NCOA3: variants seen among roughly 807,000 people sequenced by gnomAD.
The protein encoded by NCOA3 is CBP-interacting protein.
NCOA3 carries 51 observed loss-of-function variants against 158.8 expected under a neutral mutation model. The observed-to-expected ratio is 0.32, with a 90% CI of 0.26 to 0.41. The LOEUF is 0.41. Among genes scored for constraint, NCOA3 ranks in the 10% least tolerant of loss-of-function variants. The pLI is 1.00. For synonymous variants in NCOA3, 537 were observed against 592.4 expected (o/e 0.91, Z 1.36); for missense variants, 1,510 against 1,746.6 (o/e 0.86, Z 2.41).
intron 1 of NCOA3, among the ~76,000 whole-genome samples, chr20:47,571,231 C>T (rs1227498299): frequency 6.6e-6 from 1 of 151,782 alleles, no homozygotes; most frequent in Non-Finnish European, 1.5e-5. Context: ...TCTAGAACTC[C>T]TGACCTCAGG....
At chr20:47,522,860 A>AGG (rs1568651920) in intron 1 of NCOA3, among the ~76,000 whole-genome samples, 1 of 150,560 alleles carries the variant, frequency 6.6e-6, no homozygotes, top group Non-Finnish European at 1.5e-5. Flanking sequence ...CTAAGAGCTG[A>AGG]GGCTTTACGA....
intron 1 of NCOA3, among the ~76,000 whole-genome samples, chr20:47,540,549 G>A (rs1265352461): frequency 6.8e-6 from 1 of 146,548 alleles, no homozygotes; most frequent in Non-Finnish European, 1.5e-5. Flanking sequence ...TGCAGCCTGG[G>A]CAACAAGAGT....
At chr20:47,589,245 A>G (rs957578029) in intron 2 of NCOA3, among the ~76,000 whole-genome samples, 2 of 152,122 alleles carry the variant, frequency 1.3e-5, no homozygotes, top group South Asian at 2.1e-4. Flanking sequence ...TTCCAGGGCT[A>G]TTTGTAGAAA....
intron 17 of NCOA3, 47 bp downstream of exon 17, chr20:47,642,431 TGC>T (rs778747033): frequency 1.4e-6 from 2 of 1,409,114 alleles, no homozygotes; most frequent in Non-Finnish European, 1.9e-6. Context: ...TTTGTGTGTG[TGC>T]GCGCGTACAC....
At chr20:47,614,743 G>T (rs1462268689) in intron 2 of NCOA3, among the ~76,000 whole-genome samples, 3 of 152,120 alleles carry the variant, frequency 2.0e-5, no homozygotes, top group Non-Finnish European at 4.4e-5. Flanking sequence ...GGAAGTAAGG[G>T]TTATGGGTAA....
chr20:47,553,206 A>G (rs529074451), intron 1 of NCOA3, among the ~76,000 whole-genome samples: 99 of 152,186 alleles, frequency 6.5e-4, no homozygotes, highest in African/African-American at 2.4e-3. Flanking sequence ...AAGTGTTAGG[A>G]TTACAGGCGT....
chr20:47,524,972 TTCTCG>T (rs1289565806), intron 1 of NCOA3, among the ~76,000 whole-genome samples: 1 of 151,568 alleles, frequency 6.6e-6, no homozygotes, highest in East Asian at 1.9e-4. Flanking sequence ...TCTTGGGTGT[TTCTCG>T]CAGAGGGGGA....
At chr20:47,532,162 T>C (rs1018429853) in intron 1 of NCOA3, among the ~76,000 whole-genome samples, 3 of 143,552 alleles carry the variant, frequency 2.1e-5, no homozygotes, top group African/African-American at 5.4e-5. Context: ...GTTTTAGATA[T>C]CATGGTAAGT....
intron 1 of NCOA3, among the ~76,000 whole-genome samples, chr20:47,546,390 A>G (rs996353515): frequency 3.9e-5 from 6 of 152,116 alleles, no homozygotes; most frequent in African/African-American, 1.4e-4. Flanking sequence ...TAGTAACGTA[A>G]CAGCTGGAGG....
At chr20:47,558,577 C>G (rs1314076528) in intron 1 of NCOA3, among the ~76,000 whole-genome samples, 1 of 152,002 alleles carries the variant, frequency 6.6e-6, no homozygotes, top group Non-Finnish European at 1.5e-5. Context: ...TTTCAGTGTC[C>G]CTATCAGTAA....
intron 1 of NCOA3, among the ~76,000 whole-genome samples, chr20:47,513,702 A>AC (rs1445625323): frequency 1.6e-5 from 2 of 125,008 alleles, no homozygotes; most frequent in Non-Finnish European, 3.2e-5. Flanking sequence ...CTCCAGCCCG[A>AC]TGGAGCAAGA....
chr20:47,602,951 A>T (rs549898770), intron 2 of NCOA3, among the ~76,000 whole-genome samples: 1 of 152,278 alleles, frequency 6.6e-6, no homozygotes, highest in East Asian at 1.9e-4. Flanking sequence ...GTGTCTTTAG[A>T]TTAAAAAAAA....
chr20:47,642,759 C>CT lies in NCOA3; in HGVS notation c.3252+384dup, dbSNP rs774510985. Among the ~76,000 whole-genome samples the CT allele has an allele frequency of 2.6e-3, 389 of 150,968 alleles. 3 individuals carry two copies. The highest frequency in any genetic ancestry group is 4.3e-3 in the Non-Finnish European group (290 of 67,650). Reference sequence around the variant, plus strand: ...CAAGCCGTGTGTATTCTGAGGCAAGCTTTTTTTTTGCTTGTTTGTTTAAAC... The same window carrying CT: ...CAAGCCGTGTGTATTCTGAGGCAAGCTTTTTTTTTTGCTTGTTTGTTTAAAC... On this transcript the variant is annotated intron_variant, in intron 17 of 22. Coordinates refer to ENST00000371998, the MANE Select transcript of NCOA3 (RefSeq NM_181659.3).
At chr20:47,537,031 A>G (rs1488420088) in intron 1 of NCOA3, among the ~76,000 whole-genome samples, 2 of 151,410 alleles carry the variant, frequency 1.3e-5, no homozygotes, top group African/African-American at 4.9e-5. Flanking sequence ...GGCTGGTCTC[A>G]AACTCCTGAC....
At chr20:47,603,208 C>T (rs1011352682) in intron 2 of NCOA3, among the ~76,000 whole-genome samples, 1 of 152,226 alleles carries the variant, frequency 6.6e-6, no homozygotes, top group African/African-American at 2.4e-5. Context: ...TCTCAAGAGA[C>T]ATCTCTTAAA....
At chr20:47,604,529 A>T (rs749475541) in intron 2 of NCOA3, among the ~76,000 whole-genome samples, 1 of 152,212 alleles carries the variant, frequency 6.6e-6, no homozygotes. Context: ...AATTATTTAT[A>T]ATTCGTGAAA....
intron 5 of NCOA3, 71 bp downstream of exon 5, chr20:47,625,552 C>G: frequency 8.9e-7 from 1 of 1,127,316 alleles, no homozygotes. Flanking sequence ...TATAAAAAAT[C>G]GATGAAATTT....
rs2084559054 is a variant in NCOA3 at position 47,532,212 on chromosome 20, G to T, written c.-99+30193G>T. Among the ~76,000 whole-genome samples, 4 of 151,784 alleles carry T rather than the reference G, an allele frequency of 2.6e-5. No individual in the cohort carries two copies. In the South Asian group the frequency reaches 8.3e-4, roughly 32 times the overall value. On this transcript the variant is annotated intron_variant, in intron 1 of 22. Transcript: ENST00000371998. ...GATACTTAAACAAGGACACCAGGAA[G>T]TAAGTAAGCCCTGAGAATATTGGGT...
At position 47,654,796 on chromosome 20, in the gene NCOA3, T is replaced by C. The variant is rs1173687330; in HGVS notation, c.*1379T>C. ...CAGGAATTTAAAAAAACGAGCAATT[T>C]GAAGAGAATCTTTTGGATTTTAAGC... On this transcript the variant is annotated 3_prime_UTR_variant, in exon 23 of 23. Coordinates refer to ENST00000371998, the MANE Select transcript of NCOA3 (RefSeq NM_181659.3). The C allele has an allele frequency of 2.0e-5, 3 of 152,168 alleles. No homozygotes were observed. Among genetic ancestry groups the C allele is most frequent in the African/African-American group, 7.2e-5 (3 of 41,426 alleles). 9.4% of individuals were successfully genotyped at this position (152,168 alleles called of 1,614,324 possible). A position where few individuals can be genotyped will look rare whatever the true frequency, so the allele number is the denominator to read the frequency against.
Sources: gnomAD v4.1 joint callset for allele counts (sites outside exome capture counted in the v4.1 genomes callset) on GRCh38, gnomAD v4.1.1 for gene constraint, MANE v1.5 for transcripts, NCBI Gene and HGNC (gene_info 2026-07-23, HGNC 2026-07-21) for gene names.